GNG2: variants seen among roughly 807,000 people sequenced by gnomAD.
The protein encoded by GNG2 is guanine nucleotide-binding protein G(I)/G(S)/G(O) subunit gamma-2.
A neutral mutation model predicts 5.5 loss-of-function variants in GNG2; 5 were observed. The ratio of observed to expected loss-of-function variants is 0.91; its 90% CI spans 0.48 to 1.92. The LOEUF (loss-of-function observed/expected upper bound fraction) is 1.92. Among genes scored for constraint, GNG2 ranks in the 30% most tolerant of loss-of-function variants. The probability of loss-of-function intolerance (pLI) is 0.01; values close to 1 mark genes in which losing one functional copy is unlikely to be tolerated. For missense variants in GNG2, 55 were observed against 88.4 expected (o/e 0.62, Z 1.52); for synonymous variants, 28 against 32.0 (o/e 0.88, Z 0.42).
intron 1 of GNG2, among the ~76,000 whole-genome samples, chr14:51,862,519 A>G (rs561133889): frequency 6.6e-6 from 1 of 152,258 alleles, no homozygotes. Flanking sequence ...CCTGAGCTGC[A>G]TGGATAAGGA....
At chr14:51,890,392 T>G (rs1433588147) in intron 2 of GNG2, among the ~76,000 whole-genome samples, 1 of 152,216 alleles carries the variant, frequency 6.6e-6, no homozygotes, top group Non-Finnish European at 1.5e-5. Flanking sequence ...TCATTTAGTT[T>G]AAATCTTAAA....
intron 3 of GNG2, among the ~76,000 whole-genome samples, chr14:51,963,032 T>G (rs541750032): frequency 3.9e-4 from 59 of 152,258 alleles, no homozygotes; most frequent in Non-Finnish European, 6.9e-4. Flanking sequence ...ACCCATAATG[T>G]TGTTGTAAGG....
At chr14:51,923,664 C>T (rs577395718) in intron 2 of GNG2, among the ~76,000 whole-genome samples, 1 of 152,164 alleles carries the variant, frequency 6.6e-6, no homozygotes, top group Non-Finnish European at 1.5e-5. Flanking sequence ...TATCTTAGCA[C>T]TTTCTTAAAT....
At chr14:51,898,218 T>C (rs1216452923) in intron 2 of GNG2, among the ~76,000 whole-genome samples, 1 of 152,242 alleles carries the variant, frequency 6.6e-6, no homozygotes, top group East Asian at 1.9e-4. Flanking sequence ...TGCTTAAAAA[T>C]GATTATGAGA....
At chr14:51,957,118 T>G (rs765883837) in intron 3 of GNG2, among the ~76,000 whole-genome samples, 1 of 151,710 alleles carries the variant, frequency 6.6e-6, no homozygotes, top group Non-Finnish European at 1.5e-5. Flanking sequence ...GGGAGATCCT[T>G]GCTGTGATCA....
chr14:51,840,936 C>A (rs1881465466), intron 2 of GNG2, among the ~76,000 whole-genome samples: 1 of 152,164 alleles, frequency 6.6e-6, no homozygotes, highest in South Asian at 2.1e-4. Context: ...AATGTACTAC[C>A]TTTTACCACA....
At chr14:51,856,409 GCTTT>G (rs1882159587), upstream of GNG2, among the ~76,000 whole-genome samples, 2 of 152,100 alleles carry the variant, frequency 1.3e-5, no homozygotes, top group South Asian at 4.1e-4. Flanking sequence ...ATAAAGAATA[GCTTT>G]CTTTTTAATA....
chr14:51,929,018 T>C (rs1887505308), intron 2 of GNG2, among the ~76,000 whole-genome samples: 1 of 152,260 alleles, frequency 6.6e-6, no homozygotes, highest in Non-Finnish European at 1.5e-5. Flanking sequence ...GATTCTGTTC[T>C]GTCGTTTATC....
intron 2 of GNG2, among the ~76,000 whole-genome samples, chr14:51,917,120 T>C (rs911415978): frequency 1.4e-4 from 22 of 152,258 alleles, no homozygotes; most frequent in African/African-American, 5.3e-4. Context: ...TAATGGACTT[T>C]CCCTAAACTT....
chr14:51,845,214 A>G (rs1214559352), intron 2 of GNG2, among the ~76,000 whole-genome samples: 2 of 152,258 alleles, frequency 1.3e-5, no homozygotes, highest in African/African-American at 4.8e-5. Flanking sequence ...TCAATCATAA[A>G]TAAAGGCTGG....
At chr14:51,919,581 G>C (rs931866800) in intron 2 of GNG2, among the ~76,000 whole-genome samples, 1 of 152,164 alleles carries the variant, frequency 6.6e-6, no homozygotes, top group South Asian at 2.1e-4. Flanking sequence ...TTTTTCCTTA[G>C]TTTGATGATT....
Position 51,950,631 on chromosome 14 carries a change from T to C in GNG2, c.-29-19T>C, listed in dbSNP as rs765442953. 3 of 1,422,526 alleles carry C rather than the reference T, an allele frequency of 2.1e-6. No individual in the cohort carries two copies. The highest frequency in any genetic ancestry group is 2.8e-5 in the African/African-American group (2 of 70,360). 88.1% of individuals were successfully genotyped at this position (1,422,526 alleles called of 1,614,324 possible). Reference sequence around the variant, plus strand: ...TCATGAATTCTCTGGTACAATCTTCTTTTTGTTTTCTTTTCTAGTGTTTCT... The same window carrying C: ...TCATGAATTCTCTGGTACAATCTTCCTTTTGTTTTCTTTTCTAGTGTTTCT... On this transcript the variant is annotated intron_variant, in intron 2 of 3. Transcript: ENST00000556766.
intron 2 of GNG2, among the ~76,000 whole-genome samples, chr14:51,937,608 C>G (rs558325598): frequency 7.4e-6 from 1 of 135,378 alleles, no homozygotes; most frequent in African/African-American, 2.8e-5. Flanking sequence ...TATTTCTTTA[C>G]AAAAGAAATA....
intron 1 of GNG2, among the ~76,000 whole-genome samples, chr14:51,864,277 A>T (rs887582458): frequency 6.6e-6 from 1 of 152,178 alleles, no homozygotes; most frequent in Non-Finnish European, 1.5e-5. Flanking sequence ...GATGTTGAGC[A>T]TCTTTTCTTG....
chr14:51,839,240 C>G (rs1403073060), intron 2 of GNG2, among the ~76,000 whole-genome samples: 1 of 152,170 alleles, frequency 6.6e-6, no homozygotes, highest in Non-Finnish European at 1.5e-5. Context: ...CATGAGACAT[C>G]AATCAACACA....
intron 2 of GNG2, among the ~76,000 whole-genome samples, chr14:51,846,641 T>C (rs754634183): frequency 3.2e-4 from 49 of 152,346 alleles, no homozygotes; most frequent in Non-Finnish European, 1.5e-4. Context: ...CAGGTTTCCT[T>C]GGTGGAACGC....
intron 1 of GNG2, among the ~76,000 whole-genome samples, chr14:51,874,656 G>A (rs920044947): frequency 6.6e-6 from 1 of 151,584 alleles, no homozygotes; most frequent in East Asian, 1.9e-4. Flanking sequence ...GATTGCTTGA[G>A]CCCAGGAAAT....
chr14:51,905,085 T>C (rs938494903), intron 2 of GNG2, among the ~76,000 whole-genome samples: 12 of 152,222 alleles, frequency 7.9e-5, no homozygotes, highest in Admixed American at 1.3e-4. Flanking sequence ...TTGTGGGAGA[T>C]GGAGGAGTTT....
rs1446195213 is a variant in GNG2 at position 51,932,270 on chromosome 14, AAAG to A, written c.-29-18377_-29-18375del. ...TCAAAAAAAAAAAAAAAAAAAAAAA[AAAG>A]AAAAGAAAATATGGTATATATGCAC... On this transcript the variant is annotated intron_variant, in intron 2 of 3. Transcript: ENST00000556766. 8.0e-5 allele frequency among the ~76,000 whole-genome samples: 12 copies of A among 149,430 alleles called. No homozygotes were observed. In the East Asian group the frequency reaches 1.8e-3, roughly 22 times the overall value.
Sources: gnomAD v4.1 joint callset for allele counts (sites outside exome capture counted in the v4.1 genomes callset) on GRCh38, gnomAD v4.1.1 for gene constraint, MANE v1.5 for transcripts, NCBI Gene and HGNC (gene_info 2026-07-23, HGNC 2026-07-21) for gene names.